ADGRL2: variants seen among roughly 807,000 people sequenced by gnomAD.
ADGRL2 encodes adhesion G protein-coupled receptor L2, also known as calcium-independent alpha-latrotoxin receptor 2.
Under a neutral mutation model 157.4 loss-of-function variants are expected in ADGRL2, and 44 were observed. That is an observed-to-expected ratio of 0.28 (90% confidence interval 0.22 to 0.36). The LOEUF (loss-of-function observed/expected upper bound fraction) is 0.36, where lower values mean the gene tolerates loss of function less well. Ranked by LOEUF, ADGRL2 falls within the 10% of genes least tolerant of loss-of-function variation. The probability of loss-of-function intolerance (pLI) is 1.00; values close to 1 mark genes in which losing one functional copy is unlikely to be tolerated. For synonymous variants in ADGRL2, 585 were observed against 624.7 expected, an observed-to-expected ratio of 0.94 and a Z score of 0.95; for missense variants, 1,510 against 1,768.9, an observed-to-expected ratio of 0.85 and a Z score of 2.63.
intron 17 of ADGRL2, among the ~76,000 whole-genome samples, chr1:81,974,399 TAATTC>T (rs1306778329): frequency 6.6e-6 from 1 of 152,138 alleles, no homozygotes; most frequent in Non-Finnish European, 1.5e-5. Context: ...CGTTAATAAT[TAATTC>T]AGTTCAGTAA....
chr1:81,871,436 T>TATAC (rs2093691935), intron 2 of ADGRL2, among the ~76,000 whole-genome samples: 2 of 152,292 alleles, frequency 1.3e-5, no homozygotes, highest in East Asian at 3.9e-4. Context: ...TTATAATCCT[T>TATAC]TGGGTGTATA....
chr1:81,722,074 C>CTTT, intron 1 of ADGRL2: 2 of 384,370 alleles, frequency 5.2e-6, no homozygotes, highest in Non-Finnish European at 1.0e-5. Flanking sequence ...GGGCGGATCA[C>CTTT]GAGGTCAGGA....
At chr1:81,729,685 A>G (rs2084655345) in intron 1 of ADGRL2, among the ~76,000 whole-genome samples, 2 of 152,190 alleles carry the variant, frequency 1.3e-5, no homozygotes, top group Admixed American at 1.3e-4. Context: ...TTCTCATTTA[A>G]CTGATTTCTG....
intron 2 of ADGRL2, among the ~76,000 whole-genome samples, chr1:81,533,900 A>G (rs962855012): frequency 1.3e-5 from 2 of 152,100 alleles, no homozygotes; most frequent in African/African-American, 2.4e-5. Context: ...GTGAGTCTTG[A>G]CGCCTTCCTA....
intron 2 of ADGRL2, among the ~76,000 whole-genome samples, chr1:81,774,309 C>T (rs996196489): frequency 6.6e-6 from 1 of 152,108 alleles, no homozygotes; most frequent in Non-Finnish European, 1.5e-5. Flanking sequence ...TGAAATATTC[C>T]AATAACCTTC....
chr1:81,644,589 T>C (rs916020688), intron 3 of ADGRL2, among the ~76,000 whole-genome samples: 5 of 152,116 alleles, frequency 3.3e-5, no homozygotes, highest in Non-Finnish European at 5.9e-5. Context: ...AAAGAAGATA[T>C]ACAGATGGCA....
chr1:81,655,902 T>C (rs1000766923), intron 3 of ADGRL2, among the ~76,000 whole-genome samples: 5 of 152,116 alleles, frequency 3.3e-5, no homozygotes, highest in Admixed American at 6.5e-5. Flanking sequence ...CCCCCGGAGA[T>C]CATCTTGCCT....
At chr1:81,770,540 C>A (rs1571152681) in intron 2 of ADGRL2, among the ~76,000 whole-genome samples, 1 of 151,100 alleles carries the variant, frequency 6.6e-6, no homozygotes, top group East Asian at 2.0e-4. Context: ...ATGGCGCGAT[C>A]TTGGCTCACT....
rs1649376934 is a variant in ADGRL2, at chr1:81,945,125, T to C, written c.1210+1356T>C. Among the ~76,000 whole-genome samples, 4 of 152,116 alleles carry C rather than the reference T, an allele frequency of 2.6e-5. No homozygotes were observed. In the South Asian group the frequency reaches 6.2e-4, roughly 24 times the overall value. On this transcript the variant is annotated intron_variant, in intron 6 of 23. Transcript: ENST00000686636. Reference sequence around the variant, plus strand: ...TCTTCTTTTAGGGCATATAATTTTATTGATAGTATCTTAGAATCATTTATT... The same window carrying C: ...TCTTCTTTTAGGGCATATAATTTTACTGATAGTATCTTAGAATCATTTATT...
chr1:81,764,831 A>T (rs1216952056), intron 2 of ADGRL2, among the ~76,000 whole-genome samples: 1 of 152,112 alleles, frequency 6.6e-6, no homozygotes, highest in Non-Finnish European at 1.5e-5. Flanking sequence ...ATAAAATTAC[A>T]TATCCTTAAA....
chr1:81,605,775 C>A (rs899987238), intron 3 of ADGRL2, among the ~76,000 whole-genome samples: 3 of 152,120 alleles, frequency 2.0e-5, no homozygotes, highest in Non-Finnish European at 4.4e-5. Flanking sequence ...CAGTCTAGTT[C>A]TATTGTCTGT....
At chr1:81,622,373 G>A (rs1440317256) in intron 3 of ADGRL2, among the ~76,000 whole-genome samples, 1 of 151,978 alleles carries the variant, frequency 6.6e-6, no homozygotes, top group Non-Finnish European at 1.5e-5. Context: ...ACAAGGTCAA[G>A]AGATAGAGAC....
intron 3 of ADGRL2, among the ~76,000 whole-genome samples, chr1:81,934,733 C>T (rs1462076626): frequency 6.6e-6 from 1 of 151,818 alleles, no homozygotes; most frequent in Non-Finnish European, 1.5e-5. Flanking sequence ...TATTTAAATA[C>T]CATTCAAAAC....
intron 1 of ADGRL2, among the ~76,000 whole-genome samples, chr1:81,355,945 C>T (rs1663252798): frequency 2.0e-5 from 3 of 152,106 alleles, no homozygotes; most frequent in Non-Finnish European, 4.4e-5. Flanking sequence ...AAAATGTGTT[C>T]TTACTCCCAT....
Position 81,429,607 on chromosome 1 carries a change from T to C in ADGRL2, c.-301-15429T>C, listed in dbSNP as rs111479212. ...ATGCCTGCTTCCTTCGGTTCTGCCC[T>C]GAAGGAATGCTGCTAGCAGCTCTTC... On this transcript the variant is annotated intron_variant, in intron 1 of 24. Coordinates refer to the ADGRL2 transcript ENST00000370721. Among the ~76,000 whole-genome samples, 1,290 of 152,350 alleles carry C rather than the reference T, an allele frequency of 8.5e-3. 17 individuals carry two copies. The highest frequency in any genetic ancestry group is 0.03 in the African/African-American group (1,228 of 41,586).
At chr1:81,925,629 G>A (rs947643983) in intron 3 of ADGRL2, among the ~76,000 whole-genome samples, 1 of 150,598 alleles carries the variant, frequency 6.6e-6, no homozygotes. Flanking sequence ...ATGTTTCTGA[G>A]TCAGTTAAAT....
chr1:81,649,414 T>C (rs75803959), intron 3 of ADGRL2, among the ~76,000 whole-genome samples: 2,381 of 152,290 alleles, frequency 0.016, 57 homozygotes, highest in African/African-American at 0.052. Context: ...TGTTATCTTA[T>C]CCCAAGGGAA....
chr1:81,440,052 C>T (rs956326027), intron 1 of ADGRL2, among the ~76,000 whole-genome samples: 2 of 151,850 alleles, frequency 1.3e-5, no homozygotes, highest in Admixed American at 6.6e-5. Context: ...TGCCAGTATG[C>T]AAAAAAGGCT....
intron 2 of ADGRL2, among the ~76,000 whole-genome samples, chr1:81,525,538 G>C (rs1570386291): frequency 6.6e-6 from 1 of 152,258 alleles, no homozygotes; most frequent in East Asian, 1.9e-4. Context: ...GGCTGGTCTT[G>C]AACTCCTGAC....
Sources: gnomAD v4.1 joint callset for allele counts (sites outside exome capture counted in the v4.1 genomes callset) on GRCh38, gnomAD v4.1.1 for gene constraint, MANE v1.5 for transcripts, NCBI Gene and HGNC (gene_info 2026-07-23, HGNC 2026-07-21) for gene names.